Variants in PARD3 observed in about 807,000 individuals in gnomAD.
PARD3 encodes the protein partitioning defective 3 homolog.
A neutral mutation model predicts 155.4 loss-of-function variants in PARD3; 75 were observed. That is an observed-to-expected ratio of 0.48 (90% confidence interval 0.40 to 0.58). PARD3 has a LOEUF of 0.58. Ranked by LOEUF, PARD3 falls within the 20% of genes least tolerant of loss-of-function variation. PARD3 has a pLI of 0.00. For synonymous variants in PARD3, 576 were observed against 610.5 expected (o/e 0.94, Z 0.83); for missense variants, 1,642 against 1,721.7 (o/e 0.95, Z 0.82).
intron 3 of PARD3, among the ~76,000 whole-genome samples, chr10:34,474,808 A>C (rs2078601738): frequency 6.6e-6 from 1 of 152,212 alleles, no homozygotes; most frequent in Admixed American, 6.5e-5. Flanking sequence ...AAAAGAGAAG[A>C]ATTTTGTTGT....
chr10:34,557,225 T>C (rs1204752596), intron 2 of PARD3, among the ~76,000 whole-genome samples: 1 of 152,154 alleles, frequency 6.6e-6, no homozygotes, highest in African/African-American at 2.4e-5. Flanking sequence ...AGGAGAAAAA[T>C]AGGTTATAAC....
chr10:34,387,002 T>C (rs965184228), intron 7 of PARD3, among the ~76,000 whole-genome samples: 8 of 152,122 alleles, frequency 5.3e-5, no homozygotes, highest in East Asian at 3.8e-4. Context: ...CAGGTAATCA[T>C]AACAGAACCA....
chr10:34,429,554 G>C (rs1355072255), intron 5 of PARD3, among the ~76,000 whole-genome samples: 2 of 21,998 alleles, frequency 9.1e-5, no homozygotes, highest in African/African-American at 1.0e-3. Flanking sequence ...CTCTAACTCA[G>C]TTTTGTTTTG....
intron 22 of PARD3, among the ~76,000 whole-genome samples, chr10:34,257,367 A>C (rs1482853965): frequency 6.6e-6 from 1 of 152,254 alleles, no homozygotes; most frequent in East Asian, 1.9e-4. Context: ...TGGTACTTGA[A>C]GCCATGGGTT....
intron 20 of PARD3, among the ~76,000 whole-genome samples, chr10:34,301,818 CTTTTTTTTTTTTT>C: frequency 1.6e-5 from 2 of 125,828 alleles, no homozygotes; most frequent in Admixed American, 8.5e-5. Flanking sequence ...TTTCTCCTTT[CTTTTTTTTTTTTT>C]TTTTTTTAAC....
chr10:34,635,507 G>C (rs2092437146), intron 2 of PARD3, among the ~76,000 whole-genome samples: 2 of 152,190 alleles, frequency 1.3e-5, no homozygotes, highest in East Asian at 1.9e-4. Context: ...CAATGTGACA[G>C]GGTTGCTACA....
rs1041911253 is a variant in PARD3 at position 34,223,610 on chromosome 10, A to G, written c.3419+46047T>C. On this transcript the variant is annotated intron_variant, in intron 22 of 24. Transcript: ENST00000374788. ...ACTTAACAAGAACTCTAAAGGATAAAAAACAATCAAGAGATACCATATGAG... is the reference window on the plus strand; with the variant it reads ...ACTTAACAAGAACTCTAAAGGATAAGAAACAATCAAGAGATACCATATGAG... Among the ~76,000 whole-genome samples, 3 of 152,236 alleles carry G rather than the reference A, an allele frequency of 2.0e-5. No homozygotes were observed. The South Asian group carries it at 6.2e-4, about 32-fold the overall frequency.
chr10:34,300,086 G>C (rs1957077694), intron 20 of PARD3, among the ~76,000 whole-genome samples: 1 of 152,120 alleles, frequency 6.6e-6, no homozygotes, highest in Non-Finnish European at 1.5e-5. Flanking sequence ...CAAATAAAAA[G>C]TTCACATTAA....
chr10:34,138,253 C>G (rs1039961623), intron 22 of PARD3, among the ~76,000 whole-genome samples: 1 of 152,222 alleles, frequency 6.6e-6, no homozygotes, highest in Non-Finnish European at 1.5e-5. Context: ...CTGAAAAATG[C>G]TCACTGCCAG....
At chr10:34,561,874 G>T (rs2085507466) in intron 2 of PARD3, among the ~76,000 whole-genome samples, 2 of 151,272 alleles carry the variant, frequency 1.3e-5, no homozygotes, top group East Asian at 2.0e-4. Flanking sequence ...GCTGAAACCT[G>T]TAATCCTAGC....
chr10:34,206,465 A>G (rs1401311677), intron 22 of PARD3, among the ~76,000 whole-genome samples: 1 of 152,180 alleles, frequency 6.6e-6, no homozygotes, highest in Non-Finnish European at 1.5e-5. Flanking sequence ...AGGACAGGCA[A>G]GCCCCAAAAC....
chr10:34,282,940 A>C (rs145486402), intron 21 of PARD3, among the ~76,000 whole-genome samples: 3 of 152,252 alleles, frequency 2.0e-5, no homozygotes, highest in Non-Finnish European at 4.4e-5. Context: ...TTTTAAAAAT[A>C]AAAATTGAGG....
intron 5 of PARD3, among the ~76,000 whole-genome samples, chr10:34,429,553 A>AGTTTAGTTTTGTTTTGTTTTGTTTT: frequency 6.9e-6 from 1 of 145,238 alleles, no homozygotes; most frequent in African/African-American, 2.6e-5. Flanking sequence ...ACTCTAACTC[A>AGTTTAGTTTTGTTTTGTTTTGTTTT]GTTTTGTTTT....
chr10:34,610,692 TTTTG>T (rs2090826472), intron 2 of PARD3, among the ~76,000 whole-genome samples: 2 of 152,218 alleles, frequency 1.3e-5, no homozygotes, highest in Admixed American at 1.3e-4. Context: ...GCTGACAGCA[TTTTG>T]TTTTATTTCA....
At chr10:34,532,755 A>G (rs556611761) in intron 2 of PARD3, among the ~76,000 whole-genome samples, 3 of 152,368 alleles carry the variant, frequency 2.0e-5, no homozygotes, top group South Asian at 4.1e-4. Context: ...ACATATTAGC[A>G]GAGTGTGAAT....
At chr10:34,719,004 T>C (rs953048628) in intron 1 of PARD3, among the ~76,000 whole-genome samples, 6 of 151,992 alleles carry the variant, frequency 3.9e-5, no homozygotes, top group African/African-American at 1.4e-4. Context: ...ATGCATGGTG[T>C]ATTGGAACAA....
chr10:34,192,133 G>GCC (rs1950739105), intron 22 of PARD3, among the ~76,000 whole-genome samples: 1 of 151,456 alleles, frequency 6.6e-6, no homozygotes, highest in African/African-American at 2.4e-5. Context: ...TGGCTGGAGT[G>GCC]CCCGGCTCAT....
At chr10:34,144,040 C>T (rs1278975446) in intron 22 of PARD3, among the ~76,000 whole-genome samples, 1 of 151,934 alleles carries the variant, frequency 6.6e-6, no homozygotes, top group African/African-American at 2.4e-5. Flanking sequence ...TTTAACTTCT[C>T]ATTTCAGATT....
chr10:34,293,757 A>C (rs1956779397), intron 20 of PARD3, among the ~76,000 whole-genome samples: 1 of 152,254 alleles, frequency 6.6e-6, no homozygotes, highest in Non-Finnish European at 1.5e-5. Context: ...GCCTTTGCTC[A>C]AATAACTCTG....
Sources: allele counts gnomAD v4.1 joint callset (sites outside exome capture counted in the v4.1 genomes callset), GRCh38; gene constraint gnomAD v4.1.1; transcripts MANE v1.5; gene names NCBI Gene and HGNC (gene_info 2026-07-23, HGNC 2026-07-21).